The following ACBD6 variants were observed in gnomAD, a reference collection of about 807,000 sequenced individuals.
ACBD6 encodes acyl-CoA-binding domain-containing protein 6.
In ACBD6, 28 loss-of-function variants were observed where a neutral mutation model predicts 37.2. That is an observed-to-expected ratio of 0.75 (90% CI 0.56 to 1.03). ACBD6 has a LOEUF of 1.03. Among genes scored for constraint, ACBD6 ranks in the 50% least tolerant of loss-of-function variants. The pLI, the probability that ACBD6 is intolerant of heterozygous loss-of-function variation, is 0.00. For missense variants in ACBD6, 340 were observed against 337.4 expected (o/e 1.01, Z -0.06); for synonymous variants, 113 against 126.8 (o/e 0.89, Z 0.73).
chr1:180,497,016 T>C (rs1251023281), intron 1 of ACBD6, among the ~76,000 whole-genome samples: 1 of 152,168 alleles, frequency 6.6e-6, no homozygotes, highest in Non-Finnish European at 1.5e-5. Context: ...AAGCTCAATA[T>C]CCCTTTACTA....
chr1:180,452,240 C>T (rs955985304), intron 3 of ACBD6, among the ~76,000 whole-genome samples: 2 of 151,922 alleles, frequency 1.3e-5, no homozygotes. Context: ...GGGAGGCTGA[C>T]GTGGGCAGAT....
At chr1:180,307,543 C>T (rs750933292) in intron 7 of ACBD6, among the ~76,000 whole-genome samples, 11 of 152,176 alleles carry the variant, frequency 7.2e-5, no homozygotes, top group Non-Finnish European at 1.3e-4. Context: ...AGGATAAATG[C>T]TTGAGGGAAT....
intron 3 of ACBD6, among the ~76,000 whole-genome samples, chr1:180,448,829 A>AT (rs1172909567): frequency 2.0e-5 from 3 of 151,878 alleles, no homozygotes; most frequent in Non-Finnish European, 4.4e-5. Flanking sequence ...GTTTTCTTTC[A>AT]TTTTTTTTAA....
intron 3 of ACBD6, among the ~76,000 whole-genome samples, chr1:180,485,541 A>G (rs896961393): frequency 2.6e-5 from 4 of 152,244 alleles, no homozygotes; most frequent in Admixed American, 2.0e-4. Context: ...CTGGGCTGCC[A>G]CAAGTCAAAC....
intron 9 of ACBD6, chr1:180,278,861 C>G (rs1649205860): frequency 6.6e-6 from 1 of 152,102 alleles, no homozygotes; most frequent in Non-Finnish European, 1.5e-5. Context: ...CCCACCCATC[C>G]TTATTTATTG....
At chr1:180,281,347 C>A (rs1333233113) in exon 9 of ACBD6, 1 of 152,228 alleles carries the variant, frequency 6.6e-6, no homozygotes, top group African/African-American at 2.4e-5. Flanking sequence ...TGTTCCATTG[C>A]TTTCCTGTCC....
chr1:180,455,443 C>A (rs945212045), intron 3 of ACBD6, among the ~76,000 whole-genome samples: 17 of 151,862 alleles, frequency 1.1e-4, no homozygotes, highest in Admixed American at 3.9e-4. Context: ...ATGGGTGCAG[C>A]AAATCATCAT....
In ACBD6 at chr1:180,502,174, G is replaced by A. The variant is rs758948701; in HGVS notation, c.93C>T (p.Pro31=). ...SGDDSGEVEF[P]HSPEIEETSC... The stretch of plus-strand genomic sequence containing the variant: ...TGGTCTCCTCGATCTCAGGGCTATG[G>A]GGGAACTCCACCTCCCCGGAGTCGT... Residue 31 remains proline, a synonymous_variant, in exon 1 of 8, where the codon CCC becomes CCT. Coordinates refer to ENST00000367595, the MANE Select transcript of ACBD6 (RefSeq NM_032360.4). 19 of 1,613,952 alleles carry A rather than the reference G, an allele frequency of 1.2e-5. No homozygotes were observed. The East Asian group carries it at 3.6e-4, about 30-fold the overall frequency.
In ACBD6 at chr1:180,337,620, T is replaced by C. The variant is rs1045674630; in HGVS notation, c.664-22898A>G. Among the ~76,000 whole-genome samples the C allele has an allele frequency of 1.2e-4, 18 of 152,226 alleles. 1 individual carries two copies. Among genetic ancestry groups the C allele is most frequent in the East Asian group, 9.6e-4 (5 of 5,182 alleles). Reference sequence around the variant, plus strand: ...AGACAGGGATGCCCTCTCTCACCACTCCTATTCAACATAGTGTTGGAAGTT... The same window carrying C: ...AGACAGGGATGCCCTCTCTCACCACCCCTATTCAACATAGTGTTGGAAGTT... On this transcript the variant is annotated intron_variant, in intron 6 of 7. Transcript: ENST00000367595.
intron 3 of ACBD6, among the ~76,000 whole-genome samples, chr1:180,482,765 A>G (rs544055860): frequency 6.6e-6 from 1 of 152,326 alleles, no homozygotes; most frequent in Non-Finnish European, 1.5e-5. Context: ...CTTTTTTAAA[A>G]GAAGAATTTA....
Position 180,303,910 on chromosome 1 carries a change from G to C in ACBD6, c.694+10782C>G, listed in dbSNP as rs144292294. 7.0e-3 allele frequency among the ~76,000 whole-genome samples: 1,049 copies of C among 150,920 alleles called. 70 individuals carry two copies. Among genetic ancestry groups the C allele is most frequent in the Non-Finnish European group, 9.5e-3 (639 of 67,560 alleles). On this transcript the variant is annotated intron_variant, in intron 7 of 7. Transcript: ENST00000367595. Reference sequence around the variant, plus strand: ...GCACATCAAGAAGCTTATCCACCATGATTAAGTGGGCTTCATCCCTGGGAT... The same window carrying C: ...GCACATCAAGAAGCTTATCCACCATCATTAAGTGGGCTTCATCCCTGGGAT...
At chr1:180,443,013 T>C (rs1649342683) in intron 3 of ACBD6, among the ~76,000 whole-genome samples, 1 of 152,194 alleles carries the variant, frequency 6.6e-6, no homozygotes. Context: ...TTTTTTCCTT[T>C]TTGGCAAGCT....
intron 6 of ACBD6, among the ~76,000 whole-genome samples, chr1:180,377,396 C>G (rs1653474586): frequency 6.6e-6 from 1 of 152,122 alleles, no homozygotes; most frequent in African/African-American, 2.4e-5. Flanking sequence ...AAGGATTGAG[C>G]ACATCTAGTG....
chr1:180,415,736 G>T (rs1366892684), intron 4 of ACBD6, among the ~76,000 whole-genome samples: 4 of 152,168 alleles, frequency 2.6e-5, no homozygotes, highest in Non-Finnish European at 5.9e-5. Context: ...CTTTGGAGTG[G>T]CCCCTCTTCC....
chr1:180,451,457 CA>C (rs1261937305), intron 3 of ACBD6, among the ~76,000 whole-genome samples: 2 of 151,970 alleles, frequency 1.3e-5, no homozygotes, highest in Non-Finnish European at 2.9e-5. Context: ...TCAAAATAGC[CA>C]AAAGGTGGAA....
intron 3 of ACBD6, among the ~76,000 whole-genome samples, chr1:180,455,386 G>C (rs949504340): frequency 5.9e-5 from 9 of 152,052 alleles, no homozygotes; most frequent in African/African-American, 1.9e-4. Context: ...TGGGGGACAG[G>C]GGGAGGGATA....
chr1:180,292,030 T>C (rs553908294), intron 7 of ACBD6, among the ~76,000 whole-genome samples: 58 of 152,344 alleles, frequency 3.8e-4, no homozygotes, highest in African/African-American at 1.4e-3. Context: ...TCATGTTCCT[T>C]TGATCTATAT....
chr1:180,459,154 C>T (rs1042816526), intron 3 of ACBD6, among the ~76,000 whole-genome samples: 8 of 152,132 alleles, frequency 5.3e-5, no homozygotes, highest in African/African-American at 1.9e-4. Context: ...GGTAGTCTAA[C>T]AGATAACTTA....
rs1257465867 is a variant in ACBD6, at chr1:180,397,529, T to A, written c.650A>T (p.Asp217Val). The change falls in exon 6 of 8, where the codon GAC becomes GTC. Residue 217 changes from aspartate to valine, a missense_variant. Transcript: ENST00000367595. ...LVTVLLQHRA[D>V]INCQDNEGQT... is the part of the protein sequence containing the mutation. The stretch of plus-strand genomic sequence containing the variant: ...TATCACTCTTACCTGACAGTTAATG[T>A]CAGCTCTATGTTGCAGCAACACTGT... The A allele has an allele frequency of 6.2e-7, 1 of 1,613,716 alleles. No individual in the cohort carries two copies. The highest frequency in any genetic ancestry group is 1.3e-5 in the African/African-American group (1 of 74,916).
Sources: gnomAD v4.1 joint callset for allele counts (sites outside exome capture counted in the v4.1 genomes callset) on GRCh38, gnomAD v4.1.1 for gene constraint, MANE v1.5 for transcripts, NCBI Gene and HGNC (gene_info 2026-07-23, HGNC 2026-07-21) for gene names.